Variants in MYO15A observed in about 807,000 individuals in gnomAD.
MYO15A encodes unconventional myosin-XV.
A neutral mutation model predicts 394.6 loss-of-function variants in MYO15A; 308 were observed. The observed-to-expected ratio is 0.78, with a 90% CI of 0.71 to 0.86. The LOEUF is 0.86. MYO15A is among the 40% of genes least tolerant of loss of function. The probability of loss-of-function intolerance (pLI) is 0.00; values close to 1 mark genes in which losing one functional copy is unlikely to be tolerated. For synonymous variants in MYO15A, 1,957 were observed against 2,003.8 expected (o/e 0.98, Z 0.62); for missense variants, 4,606 against 4,799.1 (o/e 0.96, Z 1.19).
Position 18,135,736 on chromosome 17 carries a change from TG to T in MYO15A, c.4510del (p.Val1504Ter), listed in dbSNP as rs750119489. On this transcript the variant is annotated frameshift_variant, in exon 13 of 66. Transcript: ENST00000647165. LOFTEE classifies it high-confidence loss of function. ...ACGGATGCACAGGAGGTGGCCTCAG[TG>T]GTGAGTGCCCGAGAGATCCAGGCCG... ...YETDAQEVAS[V>X]VSAREIQAVA... The T allele has an allele frequency of 3.7e-6, 6 of 1,614,046 alleles. No individual in the cohort carries two copies. The highest frequency in any genetic ancestry group is 4.2e-6 in the Non-Finnish European group (5 of 1,180,030).
chr17:18,128,054 G>A (rs854788), intron 7 of MYO15A, among the ~76,000 whole-genome samples: 79,355 of 151,008 alleles, frequency 0.53, 21,141 homozygotes, highest in Middle Eastern at 0.59. Context: ...AGGGAGGAGC[G>A]CCTGCACTTT....
rs1256518396 is a variant in MYO15A, at chr17:18,159,949, T to C, written c.9318T>C (p.His3106=). 2 of 1,614,086 alleles carry C rather than the reference T, an allele frequency of 1.2e-6. No individual in the cohort carries two copies. Among genetic ancestry groups the C allele is most frequent in the Admixed American group, 1.7e-5 (1 of 60,016 alleles). The change falls in exon 56 of 66, where the codon CAT becomes CAC. Residue 3106 remains histidine, a synonymous_variant. Coordinates refer to ENST00000647165, the MANE Select transcript of MYO15A (RefSeq NM_016239.4). The part of the protein sequence containing the change: ...LCNLLKLCGD[H]EVMRDECYCQ... ...CCCCCCTTCAGCTGTGCGGGGACCA[T>C]GAGGTCATGCGGGATGAATGTTACT...
At chr17:18,125,491 G>A (rs1336166941) in intron 4 of MYO15A, 3 of 483,874 alleles carry the variant, frequency 6.2e-6, no homozygotes, top group South Asian at 2.1e-5. Context: ...TCAAGAGATC[G>A]AGACCATCCT....
chr17:18,122,487 C>G, intron 2 of MYO15A, 78 bp downstream of exon 2: 1 of 1,530,910 alleles, frequency 6.5e-7, no homozygotes, highest in Non-Finnish European at 8.7e-7. Flanking sequence ...CCTGAGGAGC[C>G]CTGTGCAACC....
Position 18,132,620 on chromosome 17 carries a change from GCC to G in MYO15A, c.4320+57_4320+58del. ...CTGGCCCTGGTCCTCCCACCCCGAC[GCC>G]CCTGGCTGGGCCTTGGGAGCCGAGT... is the stretch of plus-strand genomic sequence containing the variant. On this transcript the variant is annotated intron_variant, in intron 11 of 65. Coordinates refer to ENST00000647165, the MANE Select transcript of MYO15A (RefSeq NM_016239.4). This position sits in a 1 kb window ranked among gnomAD's most constrained non-coding sequence, Gnocchi z 4.6. 6.8e-7 allele frequency: 1 copy of G among 1,473,668 alleles called. No individual in the cohort carries two copies. The highest frequency in any genetic ancestry group is 1.4e-5 in the African/African-American group (1 of 72,294). 91.3% of individuals were successfully genotyped at this position (1,473,668 alleles called of 1,614,324 possible). A position where few individuals can be genotyped will look rare whatever the true frequency, so the allele number is the denominator to read the frequency against.
At position 18,172,284 on chromosome 17, in the gene MYO15A, G is replaced by C. The variant is rs767140265; in HGVS notation, c.10344G>C (p.Glu3448Asp). 2 of 1,614,178 alleles carry C rather than the reference G, an allele frequency of 1.2e-6. No individual in the cohort carries two copies. The highest frequency in any genetic ancestry group is 2.2e-5 in the South Asian group (2 of 91,082). The change falls in exon 64 of 66, where the codon GAG becomes GAC. Residue 3448 changes from glutamate (E) to aspartate (D), a missense_variant. Glu to Asp is a conservative substitution (Grantham distance 45). Transcript: ENST00000647165. ...NHNGLNFLST[E>D]THELMVKFPL... is the part of the protein sequence containing the mutation. ...ATGGCCTCAACTTTCTCAGCACAGA[G>C]ACTCATGTGAGTGGCCTCAGCCTGG...
chr17:18,133,431 C>T (rs1442501324), intron 12 of MYO15A, 45 bp downstream of exon 12: 25 of 1,604,764 alleles, frequency 1.6e-5, no homozygotes, highest in Non-Finnish European at 1.9e-5. Flanking sequence ...ACCCTCTGGA[C>T]TTGGCCGTCT....
chr17:18,124,920 T>A lies in MYO15A; in HGVS notation c.3693-248T>A, dbSNP rs79489518. 0.012 allele frequency: 7,160 copies of A among 597,784 alleles called. 200 individuals carry two copies. The highest frequency in any genetic ancestry group is 0.084 in the East Asian group (2,998 of 35,662). 37.0% of individuals were successfully genotyped at this position (597,784 alleles called of 1,614,324 possible). ...GGTCAGCATCATTATCTAATCACAG[T>A]GATTACGTAAGAGTGTCCCCCAAAC... On this transcript the variant is annotated intron_variant, in intron 3 of 65. Coordinates refer to ENST00000647165, the MANE Select transcript of MYO15A (RefSeq NM_016239.4).
intron 58 of MYO15A, 113 bp downstream of exon 58, chr17:18,162,792 G>A: frequency 1.8e-6 from 2 of 1,111,172 alleles, no homozygotes; most frequent in South Asian, 2.6e-5. Context: ...CTGAGGTCAG[G>A]AGTTCGAGAC....
In MYO15A at chr17:18,120,413, G is replaced by A. The variant is rs552189642; in HGVS notation, c.1613G>A (p.Arg538His). 7.2e-5 allele frequency: 116 copies of A among 1,603,082 alleles called. 1 individual carries two copies. Among genetic ancestry groups the A allele is most frequent in the Non-Finnish European group, 7.7e-5 (91 of 1,176,400 alleles). The change falls in exon 2 of 66, where the codon CGC becomes CAC. Residue 538 changes from arginine to histidine, a missense_variant. Arg to His is a conservative substitution (Grantham distance 29). Around this residue, in one of 2 missense-constraint regions of MYO15A, gnomAD observed 1,830 missense variants for 1,689.7 expected, o/e 1.08. Transcript: ENST00000647165. ...GHPFWGFLTP[R>H]QRNLQRALSA... ...CCTTTCTGGGGCTTCCTCACGCCGC[G>A]CCAGCGCAACCTCCAGCGCGCGCTG...
intron 43 of MYO15A, 117 bp from the exon 44 acceptor site, chr17:18,154,014 G>A: frequency 6.2e-7 from 1 of 1,604,202 alleles, no homozygotes; most frequent in Non-Finnish European, 8.5e-7. Flanking sequence ...AAAAGGCCGG[G>A]CTGAAACCAG....
At chr17:18,164,724 C>A (rs1391494500) in intron 60 of MYO15A, 1 of 151,016 alleles carries the variant, frequency 6.6e-6, no homozygotes, top group Non-Finnish European at 1.5e-5. Flanking sequence ...TCCAGCTACT[C>A]AGGAGGCTGA....
chr17:18,178,758 G>A lies in MYO15A; in HGVS notation c.10492-11G>A, dbSNP rs752606956. 2 of 1,613,454 alleles carry A rather than the reference G, an allele frequency of 1.2e-6. No individual in the cohort carries two copies. The highest frequency in any genetic ancestry group is 8.5e-7 in the Non-Finnish European group (1 of 1,179,586). On this transcript the variant is annotated splice_polypyrimidine_tract_variant and intron_variant, in intron 65 of 65. Transcript: ENST00000647165. ...TGTTGGATGGGCGTGGACTGTCACT[G>A]TCACCTGCAGGGACTGGAACTGTGT... is the stretch of plus-strand genomic sequence containing the variant.
intron 28 of MYO15A, among the ~76,000 whole-genome samples, chr17:18,144,288 C>T (rs2046436930): frequency 6.6e-6 from 1 of 152,188 alleles, no homozygotes; most frequent in South Asian, 2.1e-4. Context: ...GATTTCCTCC[C>T]CTTGAGATGA....
rs2046272611 is a variant in MYO15A, at chr17:18,136,419, G to A, written c.4599G>A (p.Glu1533=). 6.2e-7 allele frequency: 1 copy of A among 1,613,654 alleles called. No individual in the cohort carries two copies. Among genetic ancestry groups the A allele is most frequent in the Admixed American group, 1.7e-5 (1 of 60,014 alleles). Reference sequence around the variant, plus strand: ...TCAAGGGCTGTGCCCGTCCCTAGGAGACAATGCGAGAGAAGATCTTCACGC... The same window carrying A: ...TCAAGGGCTGTGCCCGTCCCTAGGAAACAATGCGAGAGAAGATCTTCACGC... ...LQKAITFKVT[E]TMREKIFTPL... Residue 1533 remains glutamate (E), a splice_region_variant and synonymous_variant, in exon 14 of 66, where the codon GAG becomes GAA. Coordinates refer to ENST00000647165, the MANE Select transcript of MYO15A (RefSeq NM_016239.4).
At chr17:18,145,827 G>A (rs1383246592) in intron 29 of MYO15A, 45 bp from the exon 30 acceptor site, 1 of 1,595,802 alleles carries the variant, frequency 6.3e-7, no homozygotes, top group Non-Finnish European at 8.6e-7. Context: ...GGGACTGGAA[G>A]GAACAACTTT....
chr17:18,171,707 G>A lies in MYO15A; in HGVS notation c.10152G>A (p.Leu3384=), dbSNP rs2046943409. The change falls in exon 63 of 66, where the codon CTG becomes CTA. Residue 3384 remains leucine, a synonymous_variant. Transcript: ENST00000647165. ...CGGCAGGCTCGACCTGGCTCAACCT[G>A]GTCAGCCAGCACCGGCAGCAGACAC... ...RTTAGSTWLN[L]VSQHRQQTQA... 6.2e-7 allele frequency: 1 copy of A among 1,613,046 alleles called. No homozygotes were observed. The highest frequency in any genetic ancestry group is 8.5e-7 in the Non-Finnish European group (1 of 1,180,020).
In MYO15A at chr17:18,120,803, G is replaced by A. The variant is rs1455304964; in HGVS notation, c.2003G>A (p.Arg668Gln). The A allele has an allele frequency of 7.7e-7, 1 of 1,296,224 alleles. No homozygotes were observed. Among genetic ancestry groups the A allele is most frequent in the Non-Finnish European group, 9.8e-7 (1 of 1,024,966 alleles). The allele number at this position is 1,296,224 out of a possible 1,614,324, so 80.3% of individuals were successfully genotyped here. ...SALLSPPVPP[R>Q]PPSSGPPPAP... ...CTCCTGTCTCCGCCCGTGCCCCCGC[G>A]GCCCCCAAGCTCCGGGCCCCCGCCC... The change falls in exon 2 of 66, where the codon CGG becomes CAG. Residue 668 changes from arginine to glutamine, a missense_variant. By Grantham distance (43) the Arg-to-Gln change is conservative. Around this residue, in one of 2 missense-constraint regions of MYO15A, gnomAD observed 1,830 missense variants for 1,689.7 expected, o/e 1.08. Transcript: ENST00000647165.
rs1253496601 is a variant in MYO15A at position 18,120,398 on chromosome 17, G to A, written c.1598G>A (p.Gly533Asp). The change falls in exon 2 of 66, where the codon GGC (glycine) becomes GAC (aspartate). Residue 533 changes from glycine (G) to aspartate (D), a missense_variant. Gly to Asp is a moderately conservative substitution (Grantham distance 94, BLOSUM62 -1). This residue lies in a region of MYO15A where 1,830 missense variants were observed against 1,689.7 expected (regional missense o/e 1.08). Transcript: ENST00000647165. ...SAVPYGHPFW[G>D]FLTPRQRNLQ... ...GTGCCCTACGGCCACCCTTTCTGGGGCTTCCTCACGCCGCGCCAGCGCAAC... is the reference window on the plus strand; with the variant it reads ...GTGCCCTACGGCCACCCTTTCTGGGACTTCCTCACGCCGCGCCAGCGCAAC... The A allele has an allele frequency of 1.9e-6, 3 of 1,608,320 alleles. No individual in the cohort carries two copies. The highest frequency in any genetic ancestry group is 1.7e-6 in the Non-Finnish European group (2 of 1,178,630).
Sources: allele counts gnomAD v4.1 joint callset (sites outside exome capture counted in the v4.1 genomes callset), GRCh38; gene constraint gnomAD v4.1.1; regional missense constraint gnomAD v4.1.1; non-coding constraint Gnocchi (gnomAD v3.1); transcripts MANE v1.5; gene names NCBI Gene and HGNC (gene_info 2026-07-23, HGNC 2026-07-21).